ASH1L: variants seen among roughly 807,000 people sequenced by gnomAD.
ASH1L encodes the protein ASH1 like histone lysine methyltransferase, also known as histone-lysine N-methyltransferase ASH1L.
In ASH1L, 23 loss-of-function variants were observed where a neutral mutation model predicts 269.0. The ratio of observed to expected loss-of-function variants is 0.09; its 90% CI spans 0.06 to 0.12. The LOEUF (loss-of-function observed/expected upper bound fraction) is 0.12. ASH1L is among the 10% of genes least tolerant of loss of function. ASH1L has a pLI of 1.00. For synonymous variants in ASH1L, 1,187 were observed against 1,253.5 expected (o/e 0.95, Z 1.12); for missense variants, 2,912 against 3,567.8 (o/e 0.82, Z 4.68).
At chr1:155,551,049 G>A (rs1671164367) in intron 1 of ASH1L, among the ~76,000 whole-genome samples, 1 of 152,040 alleles carries the variant, frequency 6.6e-6, no homozygotes, top group African/African-American at 2.4e-5. Flanking sequence ...TGGAACTCCT[G>A]GGCTCAAGCA....
intron 1 of ASH1L, among the ~76,000 whole-genome samples, chr1:155,554,985 A>G (rs889578830): frequency 6.6e-6 from 1 of 151,502 alleles, no homozygotes; most frequent in Non-Finnish European, 1.5e-5. Context: ...TCTACTAAAA[A>G]TACAAAAATT....
In ASH1L at chr1:155,422,924, C is replaced by T. The variant is rs1323148660; in HGVS notation, c.5829-7001G>A. Among the ~76,000 whole-genome samples the T allele has an allele frequency of 2.0e-5, 3 of 151,012 alleles. No individual in the cohort carries two copies. In the East Asian group the frequency reaches 5.9e-4, roughly 30 times the overall value. On this transcript the variant is annotated intron_variant, in intron 5 of 27. Transcript: ENST00000392403. ...TCGGCCTCCCAAAGTGCTGGGATTACAGGCGTGAGCCATTGAGCTGGCCTT... is the reference window on the plus strand; with the variant it reads ...TCGGCCTCCCAAAGTGCTGGGATTATAGGCGTGAGCCATTGAGCTGGCCTT...
intron 16 of ASH1L, among the ~76,000 whole-genome samples, chr1:155,353,252 T>C (rs148200184): frequency 1.1e-3 from 161 of 152,338 alleles, no homozygotes; most frequent in Non-Finnish European, 1.2e-3. Flanking sequence ...AAGGAAATAA[T>C]GCAGGTTAAA....
chr1:155,456,484 T>C (rs755785706), intron 4 of ASH1L, among the ~76,000 whole-genome samples: 21 of 152,210 alleles, frequency 1.4e-4, no homozygotes, highest in Non-Finnish European at 2.8e-4. Flanking sequence ...ATATACAGTT[T>C]GATGTTTCTT....
At chr1:155,473,004 A>G (rs1189030636) in intron 3 of ASH1L, among the ~76,000 whole-genome samples, 2 of 152,192 alleles carry the variant, frequency 1.3e-5, no homozygotes, top group Non-Finnish European at 1.5e-5. Context: ...AAAGGTATAC[A>G]GTATGTTTTG....
At chr1:155,492,914 C>T (rs28522441) in intron 2 of ASH1L, among the ~76,000 whole-genome samples, 1 of 152,084 alleles carries the variant, frequency 6.6e-6, no homozygotes, top group Non-Finnish European at 1.5e-5. Context: ...CTTTTGCCCC[C>T]CCAAGCTCTA....
At chr1:155,562,912 C>T (rs776710192), upstream of ASH1L, 6 of 455,012 alleles carry the variant, frequency 1.3e-5, no homozygotes, top group South Asian at 4.6e-5. Context: ...CCCCTACCAC[C>T]CTCCACCCCT....
chr1:155,519,546 T>C (rs1012937533), intron 2 of ASH1L, among the ~76,000 whole-genome samples: 6 of 152,250 alleles, frequency 3.9e-5, no homozygotes, highest in African/African-American at 1.4e-4. Context: ...TGGTTGCACC[T>C]TGAGGACATT....
intron 5 of ASH1L, among the ~76,000 whole-genome samples, chr1:155,430,273 G>T (rs907989161): frequency 3.3e-5 from 5 of 151,956 alleles, no homozygotes; most frequent in African/African-American, 1.2e-4. Context: ...ACCTCATCTG[G>T]CCTGTTTATG....
intron 2 of ASH1L, among the ~76,000 whole-genome samples, chr1:155,508,002 CT>C (rs762754026): frequency 0.018 from 2,439 of 136,334 alleles, 44 homozygotes; most frequent in African/African-American, 0.05. Flanking sequence ...GTATACTTGA[CT>C]TTTTTTTTTT....
intron 21 of ASH1L, 60 bp downstream of exon 21, chr1:155,346,323 A>C (rs766976080): frequency 5.1e-6 from 8 of 1,572,014 alleles, no homozygotes; most frequent in Non-Finnish European, 7.0e-6. Context: ...AGGACAGGTG[A>C]GATACCATGT....
chr1:155,453,200 C>T (rs1412249489), intron 4 of ASH1L, among the ~76,000 whole-genome samples: 1 of 151,906 alleles, frequency 6.6e-6, no homozygotes, highest in African/African-American at 2.4e-5. Flanking sequence ...ACTAAAAATA[C>T]AAAACTTAGC....
intron 10 of ASH1L, among the ~76,000 whole-genome samples, chr1:155,373,636 T>C (rs1006885230): frequency 2.0e-5 from 3 of 152,034 alleles, no homozygotes; most frequent in Non-Finnish European, 4.4e-5. Context: ...GGTGTATGGT[T>C]TGAAATCTCA....
chr1:155,443,137 G>C (rs1191202938), intron 4 of ASH1L, among the ~76,000 whole-genome samples: 1 of 152,162 alleles, frequency 6.6e-6, no homozygotes, highest in African/African-American at 2.4e-5. Flanking sequence ...CGTAGTTGAA[G>C]AATGAATCCT....
intron 2 of ASH1L, among the ~76,000 whole-genome samples, chr1:155,484,837 G>C (rs1033558635): frequency 6.8e-6 from 1 of 146,000 alleles, no homozygotes; most frequent in Non-Finnish European, 1.5e-5. Context: ...GCTAAGGTAT[G>C]AGAATTGCTT....
At position 155,478,895 on chromosome 1, in the gene ASH1L, A is replaced by G. The variant is rs767624314; in HGVS notation, c.3975T>C (p.Asn1325=). The G allele has an allele frequency of 6.2e-7, 1 of 1,614,004 alleles. No homozygotes were observed. Among genetic ancestry groups the G allele is most frequent in the Non-Finnish European group, 8.5e-7 (1 of 1,179,968 alleles). The change falls in exon 3 of 28, where the codon AAT becomes AAC. Residue 1325 remains asparagine, a synonymous_variant. Transcript: ENST00000392403. The surrounding 1 kb of genome is among the most constrained non-coding windows in gnomAD (Gnocchi z 4.6). ...LLPTIFRINF[N]SFYTHPSFPL... is the part of the protein sequence containing the mutation. ...GGAAAGAAGGATGTGTATAGAAACT[A>G]TTAAAGTTGATTCGAAAGATAGTTG...
At chr1:155,377,351 T>C (rs940221669) in intron 10 of ASH1L, among the ~76,000 whole-genome samples, 1 of 152,212 alleles carries the variant, frequency 6.6e-6, no homozygotes, top group Non-Finnish European at 1.5e-5. Context: ...GCCCTTCCTC[T>C]TCACTCTCAC....
chr1:155,471,195 C>A (rs1335591207), intron 3 of ASH1L, among the ~76,000 whole-genome samples: 1 of 152,118 alleles, frequency 6.6e-6, no homozygotes, highest in Non-Finnish European at 1.5e-5. Flanking sequence ...GAACAATTAA[C>A]AAAAGAATTT....
At chr1:155,375,308 C>T (rs1158994917) in intron 10 of ASH1L, among the ~76,000 whole-genome samples, 1 of 152,062 alleles carries the variant, frequency 6.6e-6, no homozygotes, top group African/African-American at 2.4e-5. Flanking sequence ...GAAATATATT[C>T]CCCATTTGTT....
Sources: allele counts gnomAD v4.1 joint callset (sites outside exome capture counted in the v4.1 genomes callset), GRCh38; gene constraint gnomAD v4.1.1; non-coding constraint Gnocchi (gnomAD v3.1); transcripts MANE v1.5; gene names NCBI Gene and HGNC (gene_info 2026-07-23, HGNC 2026-07-21).